ALK: variants seen among roughly 807,000 people sequenced by gnomAD.
ALK encodes the protein ALK receptor tyrosine kinase, also known as ALK tyrosine kinase receptor.
A neutral mutation model predicts 163.1 loss-of-function variants in ALK; 74 were observed. That is an observed-to-expected ratio of 0.45 (90% CI 0.38 to 0.55). The LOEUF (loss-of-function observed/expected upper bound fraction) is 0.55. Ranked by LOEUF, ALK falls within the 20% of genes least tolerant of loss-of-function variation. The pLI is 0.00. For missense variants in ALK, 2,063 were observed against 2,105.3 expected, an observed-to-expected ratio of 0.98 and a Z score of 0.39; for synonymous variants, 960 against 843.2, an observed-to-expected ratio of 1.14 and a Z score of -2.40.
intron 26 of ALK, among the ~76,000 whole-genome samples, chr2:29,205,496 C>T (rs533387466): frequency 5.1e-4 from 77 of 152,292 alleles, no homozygotes; most frequent in African/African-American, 1.6e-3. Context: ...TTCTGAAGGC[C>T]GGACATCTGA....
chr2:29,217,412 G>A (rs1317731943), intron 23 of ALK, among the ~76,000 whole-genome samples: 7 of 151,826 alleles, frequency 4.6e-5, no homozygotes, highest in Admixed American at 2.0e-4. Context: ...GGGAGGAGCT[G>A]TGGACATTGG....
chr2:29,713,267 G>C (rs763866479), intron 2 of ALK, among the ~76,000 whole-genome samples: 1 of 152,122 alleles, frequency 6.6e-6, no homozygotes, highest in Non-Finnish European at 1.5e-5. Flanking sequence ...ATTTTTATTT[G>C]ATTGCAAAGA....
At chr2:29,768,741 G>GTATATATA (rs754019687) in intron 1 of ALK, among the ~76,000 whole-genome samples, 41 of 122,248 alleles carry the variant, frequency 3.4e-4, no homozygotes, top group East Asian at 2.3e-3. Flanking sequence ...GTGTGTGTGT[G>GTATATATA]TGTATATATG....
chr2:29,585,258 A>G (rs1399330490), intron 3 of ALK, among the ~76,000 whole-genome samples: 2 of 152,238 alleles, frequency 1.3e-5, no homozygotes, highest in African/African-American at 4.8e-5. Context: ...GAAGAAAGTA[A>G]AAGTCAATTG....
intron 11 of ALK, among the ~76,000 whole-genome samples, chr2:29,261,321 A>G (rs999269750): frequency 2.0e-5 from 3 of 151,986 alleles, no homozygotes; most frequent in Non-Finnish European, 2.9e-5. Context: ...TTTGCTGTCA[A>G]TATTGTTCAT....
chr2:29,795,936 G>C (rs923677987), intron 1 of ALK, among the ~76,000 whole-genome samples: 3 of 152,216 alleles, frequency 2.0e-5, no homozygotes, highest in African/African-American at 7.2e-5. Flanking sequence ...GAGAAAGATA[G>C]GATGAGGTTG....
At chr2:29,251,308 C>A (rs754279651) in intron 11 of ALK, 41 bp from the exon 12 acceptor site, 63 of 1,597,232 alleles carry the variant, frequency 3.9e-5, no homozygotes, top group African/African-American at 5.4e-5. Flanking sequence ...TGTGGCCAGG[C>A]CCTCCCTCCT....
chr2:29,705,725 G>T (rs1678890468), intron 2 of ALK, among the ~76,000 whole-genome samples: 1 of 152,122 alleles, frequency 6.6e-6, no homozygotes, highest in South Asian at 2.1e-4. Flanking sequence ...AAGAATTAAA[G>T]CAGGGACCAC....
Position 29,350,915 on chromosome 2 carries a change from C to T in ALK, c.1283-22434G>A, listed in dbSNP as rs372802782. On this transcript the variant is annotated intron_variant, in intron 5 of 28. Coordinates refer to ENST00000389048, the MANE Select transcript of ALK (RefSeq NM_004304.5). ...TCCCAAACTGTTTTCTGCAAAAACA[C>T]TGGTTCTGGGAACTGTTTTTGGTGC... 5.2e-4 allele frequency among the ~76,000 whole-genome samples: 79 copies of T among 152,316 alleles called. No individual in the cohort carries two copies. The South Asian group carries it at 0.011, about 21-fold the overall frequency.
chr2:29,921,252 AG>A lies in ALK; in HGVS notation c.-594del. The A allele has an allele frequency of 4.3e-6, 1 of 233,656 alleles. No homozygotes were observed. The highest frequency in any genetic ancestry group is 6.0e-5 in the East Asian group (1 of 16,572). 14.5% of individuals were successfully genotyped at this position (233,656 alleles called of 1,614,324 possible). A position where few individuals can be genotyped will look rare whatever the true frequency, so the allele number is the denominator to read the frequency against. On this transcript the variant is annotated 5_prime_UTR_variant, in exon 1 of 29. Coordinates refer to ENST00000389048, the MANE Select transcript of ALK (RefSeq NM_004304.5). ...CTCAAGCTATCTCTCCGCTGCGGGA[AG>A]GCTTCGGACTGTCTGCCTGCTGAAC...
At position 29,918,807 on chromosome 2, in the gene ALK, T is replaced by TG. The variant is rs1667904429; in HGVS notation, c.667+1185dup. Among the ~76,000 whole-genome samples, 7 of 152,232 alleles carry TG rather than the reference T, an allele frequency of 4.6e-5. No homozygotes were observed. The South Asian group carries it at 1.4e-3, about 31-fold the overall frequency. ...ATTAATATTAGACATTAGTAGCCAGTGGAGCATAAGAACTTCATTTATTTC... is the reference window on the plus strand; with the variant it reads ...ATTAATATTAGACATTAGTAGCCAGTGGGAGCATAAGAACTTCATTTATTTC... On this transcript the variant is annotated intron_variant, in intron 1 of 28. Coordinates refer to ENST00000389048, the MANE Select transcript of ALK (RefSeq NM_004304.5).
At chr2:29,220,907 A>G (rs923663983) in intron 22 of ALK, 72 bp from the exon 23 acceptor site, 3 of 1,597,952 alleles carry the variant, frequency 1.9e-6, no homozygotes, top group African/African-American at 2.7e-5. Context: ...TGGGAGGAAC[A>G]GGATACAAAG....
At chr2:29,537,873 G>T (rs1673302736) in intron 3 of ALK, among the ~76,000 whole-genome samples, 4 of 152,252 alleles carry the variant, frequency 2.6e-5, no homozygotes, top group Admixed American at 2.6e-4. Flanking sequence ...GTGGGACATG[G>T]TGTCAAAGAA....
intron 3 of ALK, among the ~76,000 whole-genome samples, chr2:29,648,677 A>G (rs1676953877): frequency 6.6e-6 from 1 of 152,148 alleles, no homozygotes; most frequent in African/African-American, 2.4e-5. Context: ...GGTAGCATGT[A>G]ACACTTTCAA....
intron 4 of ALK, among the ~76,000 whole-genome samples, chr2:29,449,427 C>A (rs974119725): frequency 2.6e-5 from 4 of 152,192 alleles, no homozygotes; most frequent in Non-Finnish European, 4.4e-5. Context: ...TATTTCCTAA[C>A]TTTTCTTCAA....
At chr2:29,851,961 A>G (rs1018599873) in intron 1 of ALK, among the ~76,000 whole-genome samples, 1 of 152,232 alleles carries the variant, frequency 6.6e-6, no homozygotes, top group Non-Finnish European at 1.5e-5. Flanking sequence ...TAGTAGAATG[A>G]GAGGTAGAAC....
At chr2:29,443,735 C>A (rs1670601970) in intron 4 of ALK, among the ~76,000 whole-genome samples, 1 of 152,160 alleles carries the variant, frequency 6.6e-6, no homozygotes, top group Admixed American at 6.5e-5. Context: ...CTGAGAATAA[C>A]TGGAGCTCAG....
At chr2:29,833,002 A>G (rs1171168072) in intron 1 of ALK, among the ~76,000 whole-genome samples, 2 of 152,170 alleles carry the variant, frequency 1.3e-5, no homozygotes, top group Non-Finnish European at 2.9e-5. Flanking sequence ...AGGCAGGGGC[A>G]TGGAAAGAAA....
chr2:29,896,001 A>C (rs913979086), intron 1 of ALK, among the ~76,000 whole-genome samples: 2 of 152,192 alleles, frequency 1.3e-5, no homozygotes, highest in African/African-American at 4.8e-5. Context: ...AAGTAAGGGA[A>C]ACTTACTGAA....
Sources: allele counts gnomAD v4.1 joint callset (sites outside exome capture counted in the v4.1 genomes callset), GRCh38; gene constraint gnomAD v4.1.1; transcripts MANE v1.5; gene names NCBI Gene and HGNC (gene_info 2026-07-23, HGNC 2026-07-21).